Variants in RFC1 observed in about 807,000 individuals in gnomAD.
RFC1 encodes replication factor C subunit 1, also known as A1 140 kDa subunit.
Under a neutral mutation model 137.4 loss-of-function variants are expected in RFC1, and 37 were observed. The ratio of observed to expected loss-of-function variants is 0.27; its 90% CI spans 0.21 to 0.35. The LOEUF is 0.35. Ranked by LOEUF, RFC1 falls within the 10% of genes least tolerant of loss-of-function variation. The probability of loss-of-function intolerance (pLI) is 1.00; values close to 1 mark genes in which losing one functional copy is unlikely to be tolerated. For synonymous variants in RFC1, 429 were observed against 455.7 expected (o/e 0.94, Z 0.75); for missense variants, 1,205 against 1,358.5 (o/e 0.89, Z 1.78).
At chr4:39,302,176 A>T (rs1738392603) in intron 19 of RFC1, 102 bp downstream of exon 19, 1 of 707,624 alleles carries the variant, frequency 1.4e-6, no homozygotes, top group Non-Finnish European at 2.5e-6. Flanking sequence ...TGGATTCCAC[A>T]GGCATACCAA....
At chr4:39,348,595 A>G (rs1055679536) in intron 2 of RFC1, among the ~76,000 whole-genome samples, 17 of 151,866 alleles carry the variant, frequency 1.1e-4, no homozygotes, top group Admixed American at 1.1e-3. Context: ...GGATGGAGAA[A>G]GGACAAAATG....
intron 7 of RFC1, among the ~76,000 whole-genome samples, chr4:39,322,787 A>G (rs1739584175): frequency 6.6e-6 from 1 of 151,992 alleles, no homozygotes; most frequent in Non-Finnish European, 1.5e-5. Flanking sequence ...TCAAAAAAAA[A>G]AAAAAGAACT....
intron 21 of RFC1, among the ~76,000 whole-genome samples, chr4:39,298,365 T>TGTTTTCAAGCAAG (rs2109596532): frequency 6.6e-6 from 1 of 151,862 alleles, no homozygotes; most frequent in Admixed American, 6.6e-5. Context: ...TTTTGTTTCT[T>TGTTTTCAAGCAAG]GTTTTCAAGC....
rs1173689124 is a variant in RFC1, at chr4:39,311,425, C to A, written c.1488+20G>T. 1.9e-6 allele frequency: 3 copies of A among 1,592,820 alleles called. No homozygotes were observed. The highest frequency in any genetic ancestry group is 1.7e-5 in the Admixed American group (1 of 59,870). The stretch of plus-strand genomic sequence containing the variant: ...AAAGTTAATATACACCAACTTAAAT[C>A]ACATTCATTTTATACGAACCTCAGT... On this transcript the variant is annotated intron_variant, in intron 12 of 24. Transcript: ENST00000349703.
Position 39,347,147 on chromosome 4 carries a change from T to A in RFC1, c.133-1671A>T, listed in dbSNP as rs147882979. On this transcript the variant is annotated intron_variant, in intron 2 of 24. Transcript: ENST00000349703. ...GGCTAATTTCATATGTGAACCTGAC[T>A]GAACCACAAGATGTCCAGATATTTG... Among the ~76,000 whole-genome samples, 1,260 of 152,372 alleles carry A rather than the reference T, an allele frequency of 8.3e-3. 18 individuals carry two copies. The highest frequency in any genetic ancestry group is 0.027 in the African/African-American group (1,138 of 41,584).
chr4:39,334,145 G>A (rs560283120), intron 4 of RFC1, among the ~76,000 whole-genome samples: 12 of 151,990 alleles, frequency 7.9e-5, no homozygotes, highest in Non-Finnish European at 1.6e-4. Flanking sequence ...TTACAGTTAT[G>A]AGAATAACAT....
At chr4:39,292,011 G>A (rs1311925782) in intron 22 of RFC1, 159 bp from the exon 23 acceptor site, 2 of 622,642 alleles carry the variant, frequency 3.2e-6, no homozygotes, top group East Asian at 5.5e-5. Context: ...AGTTTAGAAA[G>A]CCCAGCACCA....
At chr4:39,318,197 G>C (rs1197531077) in intron 9 of RFC1, 1 of 152,090 alleles carries the variant, frequency 6.6e-6, no homozygotes, top group East Asian at 1.9e-4. Flanking sequence ...AAATAGTTCA[G>C]CTGGTTTGGC....
At position 39,288,774 on chromosome 4, in the gene RFC1, C is replaced by G. The variant is rs1252432568; in HGVS notation, c.3431G>C (p.Ser1144Thr). 2 of 1,610,554 alleles carry G rather than the reference C, an allele frequency of 1.2e-6. No homozygotes were observed. The highest frequency in any genetic ancestry group is 1.7e-6 in the Non-Finnish European group (2 of 1,177,516). The change falls in exon 25 of 25, where the codon AGT (serine) becomes ACT (threonine). Residue 1144 changes from serine to threonine, a missense_variant. By Grantham distance (58) the Ser-to-Thr change is moderately conservative. This residue lies in a region of RFC1 where 237 missense variants were observed against 304.2 expected (regional missense o/e 0.78). Coordinates refer to ENST00000349703, the MANE Select transcript of RFC1 (RefSeq NM_002913.5). ...DKEPRKGKGK[S>T]SKK ...TGAAAAATGGTTTCATTTCTTCGAA[C>G]TTTTTCCTTTTCCTTTTCTGGGCTC...
intron 4 of RFC1, among the ~76,000 whole-genome samples, chr4:39,340,069 AC>A (rs1740538770): frequency 6.6e-6 from 1 of 152,218 alleles, no homozygotes; most frequent in African/African-American, 2.4e-5. Context: ...TTTGATTATC[AC>A]AAAGGCTGCT....
At position 39,316,738 on chromosome 4, in the gene RFC1, T is replaced by C. The variant is rs544676773; in HGVS notation, c.1203+177A>G. Among the ~76,000 whole-genome samples, 14 of 152,344 alleles carry C rather than the reference T, an allele frequency of 9.2e-5. 1 individual carries two copies. Among genetic ancestry groups the C allele is most frequent in the African/African-American group, 3.4e-4 (14 of 41,586 alleles). On this transcript the variant is annotated intron_variant, in intron 10 of 24. Transcript: ENST00000349703. ...ATTTAAAGGGAAATTTTTCTAAGTA[T>C]CAAGCAGTGATTCATAACATGAATA... is the stretch of plus-strand genomic sequence containing the variant.
At chr4:39,329,872 T>C (rs766851990) in intron 4 of RFC1, among the ~76,000 whole-genome samples, 19 of 152,032 alleles carry the variant, frequency 1.2e-4, no homozygotes, top group Non-Finnish European at 2.5e-4. Flanking sequence ...CCGTCTCTAC[T>C]AAAAACATAA....
chr4:39,312,348 G>A (rs1188486599), intron 11 of RFC1, among the ~76,000 whole-genome samples: 1 of 152,118 alleles, frequency 6.6e-6, no homozygotes, highest in Admixed American at 6.5e-5. Context: ...CAGATATTCT[G>A]CTGTTTGGAG....
intron 4 of RFC1, among the ~76,000 whole-genome samples, chr4:39,339,207 G>T (rs939445807): frequency 1.3e-5 from 2 of 152,076 alleles, no homozygotes; most frequent in Non-Finnish European, 2.9e-5. Flanking sequence ...CAATGAATAT[G>T]GGATTGCACA....
At chr4:39,351,548 G>T in intron 1 of RFC1, 72 bp from the exon 2 acceptor site, 1 of 1,349,248 alleles carries the variant, frequency 7.4e-7, no homozygotes, top group Non-Finnish European at 9.9e-7. Context: ...TTGTAAGATG[G>T]GACAGCTTTA....
At chr4:39,331,852 G>GT (rs1438005157) in intron 4 of RFC1, among the ~76,000 whole-genome samples, 8 of 152,064 alleles carry the variant, frequency 5.3e-5, no homozygotes, top group African/African-American at 1.7e-4. Context: ...TAATTTTTAT[G>GT]TTTTTTTCAC....
In RFC1 at chr4:39,306,630, C is replaced by T; in HGVS notation, c.1957G>A (p.Gly653Ser). ...GAAGCTGTGGTGGTTTTGCCAACAC[C>T]AGGAGGGCCTGACAGCAACGCTGCT... ...FKAALLSGPP[G>S]VGKTTTASLV... Residue 653 changes from glycine (G) to serine (S), a missense_variant, in exon 14 of 25, where the codon GGT becomes AGT. Gly to Ser is a moderately conservative substitution (Grantham distance 56). Coordinates refer to ENST00000349703, the MANE Select transcript of RFC1 (RefSeq NM_002913.5). 1 of 1,613,386 alleles carries T rather than the reference C, an allele frequency of 6.2e-7. No homozygotes were observed. Among genetic ancestry groups the T allele is most frequent in the Non-Finnish European group, 8.5e-7 (1 of 1,179,370 alleles).
intron 2 of RFC1, among the ~76,000 whole-genome samples, chr4:39,348,388 A>G (rs889988965): frequency 6.9e-6 from 1 of 144,930 alleles, no homozygotes; most frequent in African/African-American, 2.5e-5. Flanking sequence ...GCGCCACTGC[A>G]CTCCAGTCTG....
chr4:39,352,564 A>C (rs1312390380), intron 1 of RFC1, among the ~76,000 whole-genome samples: 2 of 152,154 alleles, frequency 1.3e-5, no homozygotes, highest in Non-Finnish European at 2.9e-5. Flanking sequence ...TAACTGTGTG[A>C]TCTTGGGCAA....
Sources: allele counts gnomAD v4.1 joint callset (sites outside exome capture counted in the v4.1 genomes callset), GRCh38; gene constraint gnomAD v4.1.1; regional missense constraint gnomAD v4.1.1; transcripts MANE v1.5; gene names NCBI Gene and HGNC (gene_info 2026-07-23, HGNC 2026-07-21).